TNIK: variants seen among roughly 807,000 people sequenced by gnomAD.
TNIK encodes TRAF2 and NCK-interacting protein kinase.
In TNIK, 49 loss-of-function variants were observed where a neutral mutation model predicts 191.3. The ratio of observed to expected loss-of-function variants is 0.26; its 90% CI spans 0.20 to 0.32. TNIK has a LOEUF of 0.32. TNIK is among the 10% of genes least tolerant of loss of function. The pLI is 1.00. For synonymous variants in TNIK, 594 were observed against 600.9 expected, an observed-to-expected ratio of 0.99 and a Z score of 0.17; for missense variants, 1,155 against 1,702.3, an observed-to-expected ratio of 0.68 and a Z score of 5.66.
At position 171,181,799 on chromosome 3, in the gene TNIK, C is replaced by T. The variant is rs541941520; in HGVS notation, c.640-4419G>A. ...AGTGAAGCATCACATGAACCCTGAA[C>T]TGCCTACCTCTAGATTTCTGGTGAC... On this transcript the variant is annotated intron_variant, in intron 7 of 32. Coordinates refer to ENST00000436636, the MANE Select transcript of TNIK (RefSeq NM_015028.4). Among the ~76,000 whole-genome samples the T allele has an allele frequency of 7.2e-5, 11 of 152,348 alleles. No homozygotes were observed. The South Asian group carries it at 2.3e-3, about 32-fold the overall frequency.
chr3:171,418,229 G>A (rs1307466818), intron 1 of TNIK, among the ~76,000 whole-genome samples: 1 of 152,130 alleles, frequency 6.6e-6, no homozygotes, highest in African/African-American at 2.4e-5. Flanking sequence ...AAACCCTTTG[G>A]TAATTCTTCT....
At chr3:171,351,621 G>C (rs2108440140) in intron 2 of TNIK, among the ~76,000 whole-genome samples, 1 of 152,274 alleles carries the variant, frequency 6.6e-6, no homozygotes, top group South Asian at 2.1e-4. Flanking sequence ...GGCTATCATT[G>C]CATTTGTAAG....
intron 4 of TNIK, among the ~76,000 whole-genome samples, chr3:171,203,919 C>T (rs1203421967): frequency 6.6e-6 from 1 of 152,196 alleles, no homozygotes; most frequent in African/African-American, 2.4e-5. Context: ...TACTTGACCA[C>T]CCTACATTTC....
intron 22 of TNIK, 53 bp downstream of exon 22, chr3:171,101,396 A>T: frequency 1.3e-6 from 2 of 1,528,080 alleles, no homozygotes; most frequent in African/African-American, 1.4e-5. Flanking sequence ...TTGTCCTTTT[A>T]TTTTGGAAAC....
chr3:171,286,322 G>A (rs1751008352), intron 2 of TNIK, among the ~76,000 whole-genome samples: 1 of 152,180 alleles, frequency 6.6e-6, no homozygotes, highest in African/African-American at 2.4e-5. Flanking sequence ...CTCGTTACAT[G>A]GAAATTCAAT....
intron 1 of TNIK, among the ~76,000 whole-genome samples, chr3:171,376,691 AC>A (rs1717264278): frequency 6.7e-6 from 1 of 150,246 alleles, no homozygotes. Flanking sequence ...AGTCATCTCA[AC>A]TGGAATAGAT....
intron 2 of TNIK, among the ~76,000 whole-genome samples, chr3:171,340,313 TAAATA>T (rs1294517491): frequency 1.3e-5 from 2 of 152,236 alleles, no homozygotes; most frequent in East Asian, 1.9e-4. Context: ...TTTTGTAATG[TAAATA>T]AAATGAGTGT....
chr3:171,342,537 C>T (rs1296971140), intron 2 of TNIK, among the ~76,000 whole-genome samples: 1 of 152,144 alleles, frequency 6.6e-6, no homozygotes. Flanking sequence ...AGGGAGGTGT[C>T]TCTGTGGCAA....
chr3:171,188,549 T>TCA (rs1329636080), intron 7 of TNIK, among the ~76,000 whole-genome samples, 153 bp downstream of exon 7: 2 of 152,198 alleles, frequency 1.3e-5, no homozygotes, highest in Non-Finnish European at 2.9e-5. Context: ...AAAAAGATCC[T>TCA]CACTTGAATG....
At chr3:171,351,530 G>A (rs1451806654) in intron 2 of TNIK, among the ~76,000 whole-genome samples, 1 of 152,140 alleles carries the variant, frequency 6.6e-6, no homozygotes, top group Admixed American at 6.5e-5. Flanking sequence ...TTATTCTCAT[G>A]TTCTTGTTCT....
chr3:171,305,441 G>A (rs960952299), intron 2 of TNIK, among the ~76,000 whole-genome samples: 3 of 152,244 alleles, frequency 2.0e-5, no homozygotes, highest in African/African-American at 7.2e-5. Flanking sequence ...TACAGGATGG[G>A]AGAAAATATT....
intron 2 of TNIK, among the ~76,000 whole-genome samples, chr3:171,322,602 C>T (rs2101681): frequency 0.56 from 84,528 of 151,878 alleles, 24,576 homozygotes; most frequent in Middle Eastern, 0.68. Context: ...ATATGTCACA[C>T]GTAACTTGAA....
intron 2 of TNIK, among the ~76,000 whole-genome samples, chr3:171,242,242 AC>A (rs1745080348): frequency 6.6e-6 from 1 of 152,124 alleles, no homozygotes; most frequent in Non-Finnish European, 1.5e-5. Context: ...ATATGGAAAG[AC>A]GGAAAATTTG....
chr3:171,387,867 T>C (rs774919279), intron 1 of TNIK, among the ~76,000 whole-genome samples: 6 of 152,062 alleles, frequency 3.9e-5, no homozygotes, highest in African/African-American at 1.2e-4. Flanking sequence ...AGAGTGATTG[T>C]ATGTTCTCAG....
chr3:171,175,861 T>G (rs1735895009), intron 8 of TNIK, among the ~76,000 whole-genome samples: 1 of 152,320 alleles, frequency 6.6e-6, no homozygotes, highest in African/African-American at 2.4e-5. Context: ...ATATCCCGAA[T>G]GGCTTTTCAG....
chr3:171,284,022 C>T (rs561117159), intron 2 of TNIK, among the ~76,000 whole-genome samples: 4 of 152,216 alleles, frequency 2.6e-5, no homozygotes, highest in Non-Finnish European at 5.9e-5. Context: ...TCACCATTTG[C>T]CCGTTATCCC....
chr3:171,128,907 A>T, intron 15 of TNIK, 29 bp from the exon 16 acceptor site: 1 of 1,498,976 alleles, frequency 6.7e-7, no homozygotes, highest in Non-Finnish European at 8.9e-7. Flanking sequence ...AAAAAAAAAA[A>T]GACAGCCTCA....
At chr3:171,165,124 C>T (rs1361874392) in intron 10 of TNIK, among the ~76,000 whole-genome samples, 1 of 151,578 alleles carries the variant, frequency 6.6e-6, no homozygotes, top group African/African-American at 2.4e-5. Context: ...CTCGTCTCTA[C>T]TAAAAATCTA....
At chr3:171,206,332 C>CGT (rs1287097980) in intron 4 of TNIK, among the ~76,000 whole-genome samples, 3 of 77,738 alleles carry the variant, frequency 3.9e-5, no homozygotes, top group Admixed American at 1.5e-4. Flanking sequence ...TATATATGTT[C>CGT]GTGTATATAT....
Sources: gnomAD v4.1 joint callset for allele counts (sites outside exome capture counted in the v4.1 genomes callset) on GRCh38, gnomAD v4.1.1 for gene constraint, MANE v1.5 for transcripts, NCBI Gene and HGNC (gene_info 2026-07-23, HGNC 2026-07-21) for gene names.